The following FILIP1L variants were observed in gnomAD, a reference collection of about 807,000 sequenced individuals.
FILIP1L encodes filamin A interacting protein 1 like.
Under a neutral mutation model 96.6 loss-of-function variants are expected in FILIP1L, and 55 were observed. The observed-to-expected ratio is 0.57, with a 90% CI of 0.46 to 0.71. The LOEUF is 0.71. Among genes scored for constraint, FILIP1L ranks in the 30% least tolerant of loss-of-function variants. The probability of loss-of-function intolerance (pLI) is 0.00; values close to 1 mark genes in which losing one functional copy is unlikely to be tolerated. For missense variants in FILIP1L, 1,304 were observed against 1,321.2 expected (o/e 0.99, Z 0.20); for synonymous variants, 467 against 473.9 (o/e 0.99, Z 0.19).
intron 1 of FILIP1L, among the ~76,000 whole-genome samples, chr3:99,935,383 C>T (rs548796925): frequency 6.6e-6 from 1 of 152,032 alleles, no homozygotes; most frequent in Admixed American, 6.6e-5. Context: ...GCTTAGTTGT[C>T]AGTTTAACAC....
rs999825388 is a variant in FILIP1L at position 99,930,903 on chromosome 3, A to C, written c.118T>G (p.Ser40Ala). Residue 40 changes from serine (S) to alanine (A), a missense_variant, in exon 2 of 6, where the codon TCC (serine) becomes GCC (alanine). Physicochemically the swap from Ser to Ala is moderately conservative, Grantham distance 99. Transcript: ENST00000477258. Reference protein sequence around the residue: ...NMKHRQQDKDSPSESDVILPC... With the variant: ...NMKHRQQDKDAPSESDVILPC... ...AGTATTACATCCGACTCACTGGGGG[A>C]GTCTTTGTCTTGCTGTCTATGCTTC... 1 of 1,612,814 alleles carries C rather than the reference A, an allele frequency of 6.2e-7. No individual in the cohort carries two copies. Among genetic ancestry groups the C allele is most frequent in the Non-Finnish European group, 8.5e-7 (1 of 1,179,770 alleles).
chr3:100,055,406 G>A (rs1023656771), intron 1 of FILIP1L, among the ~76,000 whole-genome samples: 4 of 152,014 alleles, frequency 2.6e-5, no homozygotes, highest in Admixed American at 1.3e-4. Context: ...TGCTCTTCTC[G>A]GAAATTCCTA....
intron 4 of FILIP1L, among the ~76,000 whole-genome samples, chr3:99,885,041 A>G (rs1705848084): frequency 1.3e-5 from 2 of 152,210 alleles, no homozygotes; most frequent in South Asian, 4.1e-4. Context: ...TGAGGGAAAA[A>G]ACTGCAGGAG....
chr3:99,832,616 G>A (rs953236061), intron 5 of FILIP1L, among the ~76,000 whole-genome samples: 1 of 146,592 alleles, frequency 6.8e-6, no homozygotes, highest in Admixed American at 6.7e-5. Flanking sequence ...GCTGAGGCGG[G>A]CGGATCACTT....
intron 1 of FILIP1L, among the ~76,000 whole-genome samples, chr3:100,027,574 C>A (rs1291751361): frequency 6.6e-6 from 1 of 152,096 alleles, no homozygotes; most frequent in Admixed American, 6.6e-5. Context: ...CCACATGTAC[C>A]CTCCTACTTC....
chr3:99,929,963 A>G lies in FILIP1L; in HGVS notation c.319T>C (p.Tyr107His). 1 of 1,614,078 alleles carries G rather than the reference A, an allele frequency of 6.2e-7. No homozygotes were observed. The highest frequency in any genetic ancestry group is 8.5e-7 in the Non-Finnish European group (1 of 1,179,994). Residue 107 changes from tyrosine to histidine, a missense_variant, in exon 3 of 6, where the codon TAT becomes CAT. Tyr to His is a moderately conservative substitution (Grantham distance 83). Transcript: ENST00000477258. The part of the protein sequence containing the change: ...KMDLALLEAQ[Y>H]GFVTPKKVLE... The stretch of plus-strand genomic sequence containing the variant: ...ACCTTTTTTGGAGTGACAAACCCAT[A>G]CTGAGCTTCCAGCAAAGCCAGGTCC...
intron 1 of FILIP1L, among the ~76,000 whole-genome samples, chr3:100,097,299 G>T (rs1377590820): frequency 6.6e-6 from 1 of 152,194 alleles, no homozygotes; most frequent in Admixed American, 6.5e-5. Flanking sequence ...GTGCCTAAAA[G>T]GTTGGGAACC....
intron 1 of FILIP1L, among the ~76,000 whole-genome samples, chr3:99,983,308 C>A (rs763232756): frequency 1.3e-5 from 2 of 148,848 alleles, no homozygotes; most frequent in East Asian, 2.0e-4. Context: ...CCAAGGCAGG[C>A]GGATCACCTG....
intron 1 of FILIP1L, among the ~76,000 whole-genome samples, chr3:99,959,495 AAAG>A (rs1459449828): frequency 7.9e-5 from 12 of 152,222 alleles, no homozygotes; most frequent in South Asian, 6.2e-4. Flanking sequence ...TAAATATTAA[AAAG>A]AAGAGGAATT....
intron 5 of FILIP1L, among the ~76,000 whole-genome samples, chr3:99,834,495 C>T (rs538334900): frequency 3.3e-5 from 5 of 152,276 alleles, no homozygotes; most frequent in East Asian, 3.9e-4. Context: ...TTTTCAAAAT[C>T]GCTCCAAACC....
At chr3:100,109,395 C>T (rs1367244983) in intron 1 of FILIP1L, among the ~76,000 whole-genome samples, 1 of 152,116 alleles carries the variant, frequency 6.6e-6, no homozygotes, top group African/African-American at 2.4e-5. Flanking sequence ...TTGACAAGCT[C>T]ATGCAATCAT....
At chr3:99,923,600 C>T (rs1576575497) in intron 4 of FILIP1L, among the ~76,000 whole-genome samples, 1 of 152,272 alleles carries the variant, frequency 6.6e-6, no homozygotes, top group East Asian at 1.9e-4. Context: ...GCTGTTGGAA[C>T]ACATCCCCTC....
At chr3:100,113,823 A>G (rs114665438) in intron 1 of FILIP1L, among the ~76,000 whole-genome samples, 40 of 152,206 alleles carry the variant, frequency 2.6e-4, no homozygotes, top group Admixed American at 9.8e-4. Context: ...GTGTATCACT[A>G]TAGTAAAACT....
intron 1 of FILIP1L, among the ~76,000 whole-genome samples, chr3:100,089,381 C>T (rs1310133844): frequency 6.6e-6 from 1 of 152,192 alleles, no homozygotes; most frequent in African/African-American, 2.4e-5. Flanking sequence ...CTTTCCTACT[C>T]AACAATGCTA....
chr3:100,082,481 A>G (rs952643892), intron 1 of FILIP1L, among the ~76,000 whole-genome samples: 2 of 152,172 alleles, frequency 1.3e-5, no homozygotes, highest in African/African-American at 2.4e-5. Flanking sequence ...ATTTTCTTCT[A>G]TCAGTGAGAA....
chr3:99,987,914 C>T (rs1156829230), intron 1 of FILIP1L, among the ~76,000 whole-genome samples: 1 of 152,210 alleles, frequency 6.6e-6, no homozygotes, highest in East Asian at 1.9e-4. Context: ...GCCAGTCTCT[C>T]ATCCTGTTGG....
Position 99,930,887 on chromosome 3 carries a change from T to C in FILIP1L, c.134A>G (p.Asp45Gly), listed in dbSNP as rs773891601. The C allele has an allele frequency of 3.0e-5, 49 of 1,613,198 alleles. No homozygotes were observed. In the South Asian group the frequency reaches 5.3e-4, roughly 17 times the overall value. ...TGCCTTGGGACACGGAAGTATTACATCCGACTCACTGGGGGAGTCTTTGTC... is the reference window on the plus strand; with the variant it reads ...TGCCTTGGGACACGGAAGTATTACACCCGACTCACTGGGGGAGTCTTTGTC... The part of the protein sequence containing the change: ...QQDKDSPSES[D>G]VILPCPKAEK... Residue 45 changes from aspartate (D) to glycine (G), a missense_variant, in exon 2 of 6, where the codon GAT becomes GGT. Coordinates refer to ENST00000477258, the MANE Select transcript of FILIP1L (RefSeq NM_001387850.1).
intron 1 of FILIP1L, among the ~76,000 whole-genome samples, chr3:100,105,390 C>T (rs1184366307): frequency 1.3e-5 from 2 of 152,116 alleles, no homozygotes; most frequent in African/African-American, 4.8e-5. Flanking sequence ...CAGTTTGGCT[C>T]CCTGGAAGGC....
intron 1 of FILIP1L, among the ~76,000 whole-genome samples, chr3:100,045,455 A>G (rs769590265): frequency 2.2e-4 from 33 of 152,198 alleles, no homozygotes; most frequent in Non-Finnish European, 4.3e-4. Flanking sequence ...TAAAACCATT[A>G]GCTTTCATTG....
Sources: allele counts gnomAD v4.1 joint callset (sites outside exome capture counted in the v4.1 genomes callset), GRCh38; gene constraint gnomAD v4.1.1; transcripts MANE v1.5; gene names NCBI Gene and HGNC (gene_info 2026-07-23, HGNC 2026-07-21).